TMEM135: variants seen among roughly 807,000 people sequenced by gnomAD.
TMEM135 encodes transmembrane protein 135.
In TMEM135, 30 loss-of-function variants were observed where a neutral mutation model predicts 60.3. The ratio of observed to expected loss-of-function variants is 0.50; its 90% CI spans 0.37 to 0.68. TMEM135 has a LOEUF of 0.68. TMEM135 is among the 30% of genes least tolerant of loss of function. TMEM135 has a pLI of 0.00. For synonymous variants in TMEM135, 190 were observed against 186.7 expected, an observed-to-expected ratio of 1.02 and a Z score of -0.14; for missense variants, 468 against 548.8, an observed-to-expected ratio of 0.85 and a Z score of 1.47.
chr11:87,276,483 T>C (rs868374095), intron 6 of TMEM135, among the ~76,000 whole-genome samples: 1 of 151,490 alleles, frequency 6.6e-6, no homozygotes, highest in Non-Finnish European at 1.5e-5. Flanking sequence ...TTTGTTACTC[T>C]AGTACATTAC....
At chr11:87,227,797 G>A (rs1254948029) in intron 5 of TMEM135, among the ~76,000 whole-genome samples, 1 of 152,100 alleles carries the variant, frequency 6.6e-6, no homozygotes, top group Non-Finnish European at 1.5e-5. Flanking sequence ...CCATGCAATA[G>A]TCTGTTTTCA....
At chr11:87,111,473 C>T (rs1423223269) in intron 4 of TMEM135, among the ~76,000 whole-genome samples, 1 of 151,298 alleles carries the variant, frequency 6.6e-6, no homozygotes, top group East Asian at 2.0e-4. Context: ...TGATGAAACC[C>T]TGTCTCTACT....
chr11:87,197,341 A>G (rs117450504), intron 5 of TMEM135, among the ~76,000 whole-genome samples: 1 of 152,130 alleles, frequency 6.6e-6, no homozygotes, highest in Non-Finnish European at 1.5e-5. Context: ...AAAACGTATC[A>G]GACTCTCATA....
At chr11:87,249,131 A>T (rs1941359421) in intron 6 of TMEM135, among the ~76,000 whole-genome samples, 1 of 152,160 alleles carries the variant, frequency 6.6e-6, no homozygotes, top group Non-Finnish European at 1.5e-5. Flanking sequence ...TACTACGTTG[A>T]ATAACAGTCA....
At chr11:87,289,333 T>C (rs1175176279) in intron 6 of TMEM135, among the ~76,000 whole-genome samples, 2 of 151,958 alleles carry the variant, frequency 1.3e-5, no homozygotes, top group African/African-American at 4.8e-5. Flanking sequence ...TTTGAAACTA[T>C]GTATTACTGT....
intron 3 of TMEM135, among the ~76,000 whole-genome samples, chr11:87,085,289 G>T (rs192401693): frequency 6.6e-6 from 1 of 152,176 alleles, no homozygotes; most frequent in African/African-American, 2.4e-5. Context: ...TGTTAAGGAG[G>T]TGATTTGGGG....
intron 6 of TMEM135, among the ~76,000 whole-genome samples, chr11:87,293,408 A>C (rs1942299565): frequency 7.0e-6 from 1 of 142,230 alleles, no homozygotes; most frequent in Non-Finnish European, 1.6e-5. Flanking sequence ...AAACAACAAA[A>C]AACGAGATAC....
At chr11:87,195,060 T>G (rs1461559371) in intron 5 of TMEM135, among the ~76,000 whole-genome samples, 2 of 152,178 alleles carry the variant, frequency 1.3e-5, no homozygotes, top group Non-Finnish European at 2.9e-5. Context: ...CATTAAAAAT[T>G]TAGTCTTCTT....
At chr11:87,164,057 T>C (rs1377940165) in intron 5 of TMEM135, among the ~76,000 whole-genome samples, 101 of 133,796 alleles carry the variant, frequency 7.5e-4, no homozygotes, top group Non-Finnish European at 1.2e-3. Flanking sequence ...ATCCCATTTG[T>C]CAATTTTGTC....
chr11:87,080,976 G>A (rs1426325347), intron 3 of TMEM135, among the ~76,000 whole-genome samples: 4 of 152,062 alleles, frequency 2.6e-5, no homozygotes, highest in Non-Finnish European at 5.9e-5. Flanking sequence ...ATGAGCCACC[G>A]CGCCTGGCCT....
chr11:87,291,155 C>T (rs1322283491), intron 6 of TMEM135, among the ~76,000 whole-genome samples: 2 of 152,146 alleles, frequency 1.3e-5, no homozygotes, highest in Non-Finnish European at 2.9e-5. Context: ...AATCCTCAGA[C>T]TTGTACAGCC....
intron 6 of TMEM135, among the ~76,000 whole-genome samples, chr11:87,253,632 CATATATATATATAT>C (rs60680451): frequency 1.4e-4 from 18 of 128,284 alleles, no homozygotes; most frequent in Admixed American, 2.6e-4. Flanking sequence ...AAGGATGAGC[CATATATATATATAT>C]ATATATATAT....
At chr11:87,099,688 T>TTTTG (rs1857409590) in intron 4 of TMEM135, among the ~76,000 whole-genome samples, 1 of 148,064 alleles carries the variant, frequency 6.8e-6, no homozygotes. Context: ...GGTGGTTTTT[T>TTTTG]TTTTTTTTTT....
intron 6 of TMEM135, among the ~76,000 whole-genome samples, chr11:87,267,211 A>C (rs1308713290): frequency 2.6e-5 from 4 of 152,222 alleles, no homozygotes; most frequent in Admixed American, 6.5e-5. Context: ...TTAACAAGTT[A>C]ACAAAAAGCA....
chr11:87,302,503 C>A, intron 8 of TMEM135, 61 bp downstream of exon 8: 1 of 1,600,972 alleles, frequency 6.2e-7, no homozygotes, highest in South Asian at 1.1e-5. Flanking sequence ...ATATTTGTAC[C>A]ATGCCAAGGT....
intron 6 of TMEM135, chr11:87,277,415 G>T (rs957057792): frequency 2.9e-5 from 6 of 210,278 alleles, no homozygotes; most frequent in Admixed American, 5.9e-5. Context: ...ACAGGTGTGA[G>T]CCACTGTGCC....
At position 87,288,225 on chromosome 11, in the gene TMEM135, A is replaced by G. The variant is rs561069596; in HGVS notation, c.510-7557A>G. On this transcript the variant is annotated intron_variant, in intron 6 of 14. Coordinates refer to ENST00000305494, the MANE Select transcript of TMEM135 (RefSeq NM_022918.4). ...AGCACCAATGCTAAATATAGCAATAATATTTTATCATTAATCAGATTATGT... is the reference window on the plus strand; with the variant it reads ...AGCACCAATGCTAAATATAGCAATAGTATTTTATCATTAATCAGATTATGT... Among the ~76,000 whole-genome samples, 56 of 152,288 alleles carry G rather than the reference A, an allele frequency of 3.7e-4. 1 individual carries two copies. Among genetic ancestry groups the G allele is most frequent in the African/African-American group, 1.3e-3 (56 of 41,586 alleles).
intron 6 of TMEM135, among the ~76,000 whole-genome samples, chr11:87,286,296 A>AAAGT (rs34946307): frequency 6.7e-6 from 1 of 148,854 alleles, no homozygotes; most frequent in African/African-American, 2.5e-5. Flanking sequence ...AGCTAGACAT[A>AAAGT]TTCTCCAAGT....
intron 6 of TMEM135, among the ~76,000 whole-genome samples, chr11:87,274,473 A>T (rs1941930742): frequency 6.6e-6 from 1 of 152,158 alleles, no homozygotes; most frequent in South Asian, 2.1e-4. Context: ...CTACTAGTAC[A>T]TTCCTCCTTT....
Sources: allele counts gnomAD v4.1 joint callset (sites outside exome capture counted in the v4.1 genomes callset), GRCh38; gene constraint gnomAD v4.1.1; transcripts MANE v1.5; gene names NCBI Gene and HGNC (gene_info 2026-07-23, HGNC 2026-07-21).